The following PRDM7 variants were observed in gnomAD, a reference collection of about 807,000 sequenced individuals.
PRDM7 encodes the protein PR/SET domain 7, also known as histone-lysine N-methyltransferase PRDM7.
In PRDM7, 52 loss-of-function variants were observed where a neutral mutation model predicts 64.3. That is an observed-to-expected ratio of 0.81 (90% CI 0.65 to 1.02). The LOEUF is 1.02. Ranked by LOEUF, PRDM7 falls within the 50% of genes least tolerant of loss-of-function variation. The pLI, the probability that PRDM7 is intolerant of heterozygous loss-of-function variation, is 0.00. For missense variants in PRDM7, 574 were observed against 597.1 expected, an observed-to-expected ratio of 0.96 and a Z score of 0.40; for synonymous variants, 192 against 210.1, an observed-to-expected ratio of 0.91 and a Z score of 0.74.
At position 90,070,384 on chromosome 16, in the gene PRDM7, G is replaced by C. The variant is rs182627320; in HGVS notation, c.302-3474C>G. Among the ~76,000 whole-genome samples the C allele has an allele frequency of 6.6e-4, 99 of 151,084 alleles. 10 individuals carry two copies. The highest frequency in any genetic ancestry group is 2.4e-3 in the African/African-American group (96 of 40,550). On this transcript the variant is annotated intron_variant, in intron 4 of 10. Coordinates refer to ENST00000449207, the MANE Select transcript of PRDM7 (RefSeq NM_001098173.2). ...GAGGTGGGCAGATCACTTGAGGCCAGGAGTTTGAGACCAGCCTGGTCAGCA... is the reference window on the plus strand; with the variant it reads ...GAGGTGGGCAGATCACTTGAGGCCACGAGTTTGAGACCAGCCTGGTCAGCA...
intron 4 of PRDM7, among the ~76,000 whole-genome samples, chr16:90,071,158 G>A (rs573072385): frequency 6.6e-6 from 1 of 152,316 alleles, no homozygotes; most frequent in African/African-American, 2.4e-5. Context: ...TTGAGATGGA[G>A]TCTCGTTCTG....
At chr16:90,064,401 G>GGTTTT (rs557278988) in intron 5 of PRDM7, among the ~76,000 whole-genome samples, 2,197 of 142,634 alleles carry the variant, frequency 0.015, 43 homozygotes, top group African/African-American at 0.05. Flanking sequence ...TGGCATACAT[G>GGTTTT]GTTTTGTTTT....
At chr16:90,067,832 C>T (rs7197795) in intron 4 of PRDM7, among the ~76,000 whole-genome samples, 6,863 of 150,970 alleles carry the variant, frequency 0.045, 277 homozygotes, top group South Asian at 0.083. Context: ...CCTTGTGATC[C>T]TCCCACCTCG....
intron 4 of PRDM7, among the ~76,000 whole-genome samples, chr16:90,072,664 T>G (rs2037978058): frequency 6.6e-6 from 1 of 152,196 alleles, no homozygotes. Context: ...TGCACAACAG[T>G]GTGCATACAG....
intron 4 of PRDM7, among the ~76,000 whole-genome samples, chr16:90,073,871 C>A (rs1043206093): frequency 6.6e-6 from 1 of 151,924 alleles, no homozygotes; most frequent in Non-Finnish European, 1.5e-5. Flanking sequence ...CCACCTCCAC[C>A]TCCTGGGTTC....
At position 90,056,829 on chromosome 16, in the gene PRDM7, G is replaced by C. The variant is rs922513607; in HGVS notation, c.*1460C>G. 6.6e-6 allele frequency: 1 copy of C among 152,192 alleles called. No homozygotes were observed. The highest frequency in any genetic ancestry group is 2.4e-5 in the African/African-American group (1 of 41,442). 9.4% of individuals were successfully genotyped at this position (152,192 alleles called of 1,614,324 possible). A position where few individuals can be genotyped will look rare whatever the true frequency, so the allele number is the denominator to read the frequency against. On this transcript the variant is annotated 3_prime_UTR_variant, in exon 11 of 11. Transcript: ENST00000449207. ...TAGATAACATCAGTTGCTAGGTCAG[G>C]GGTCGAATTTTAACTACCAGGCTTA...
intron 4 of PRDM7, among the ~76,000 whole-genome samples, chr16:90,071,153 A>G (rs1443646128): frequency 6.6e-6 from 1 of 152,124 alleles, no homozygotes; most frequent in Non-Finnish European, 1.5e-5. Flanking sequence ...TTTTTTTGAG[A>G]TGGAGTCTCG....
In PRDM7 at chr16:90,058,018, C is replaced by T. The variant is rs574888767; in HGVS notation, c.*271G>A. On this transcript the variant is annotated 3_prime_UTR_variant, in exon 11 of 11. Coordinates refer to ENST00000449207, the MANE Select transcript of PRDM7 (RefSeq NM_001098173.2). ...GGCTAAAGCCCTCCCACACTCTCTG[C>T]AGACGTAGGGCTTCCCCCCTGTGTG... is the stretch of plus-strand genomic sequence containing the variant. 12 of 1,608,874 alleles carry T rather than the reference C, an allele frequency of 7.5e-6. No individual in the cohort carries two copies. In the African/African-American group the frequency reaches 1.6e-4, roughly 21 times the overall value.
chr16:90,059,879 T>C (rs112397178), intron 10 of PRDM7, among the ~76,000 whole-genome samples: 3,599 of 152,366 alleles, frequency 0.024, 129 homozygotes, highest in African/African-American at 0.081. Flanking sequence ...GAGCAGTTTT[T>C]TTGATTGTCT....
At position 90,061,878 on chromosome 16, in the gene PRDM7, G is replaced by T. The variant is rs759225266; in HGVS notation, c.882+43C>A. 15 of 1,613,076 alleles carry T rather than the reference G, an allele frequency of 9.3e-6. No homozygotes were observed. In the East Asian group the frequency reaches 3.3e-4, roughly 36 times the overall value. On this transcript the variant is annotated intron_variant, in intron 8 of 10. Coordinates refer to ENST00000449207, the MANE Select transcript of PRDM7 (RefSeq NM_001098173.2). The stretch of plus-strand genomic sequence containing the variant: ...GATGTCCCATCAAAGGCACAGAAGG[G>T]ATGTGGGAAGACAGAACAGGGGAAA...
chr16:90,073,491 C>A (rs2037991659), intron 4 of PRDM7, among the ~76,000 whole-genome samples: 2 of 151,834 alleles, frequency 1.3e-5, no homozygotes, highest in Non-Finnish European at 2.9e-5. Flanking sequence ...GCTCCGCCTC[C>A]CGGGTTCATG....
At chr16:90,062,978 A>G (rs942898872) in intron 6 of PRDM7, among the ~76,000 whole-genome samples, 5 of 152,318 alleles carry the variant, frequency 3.3e-5, no homozygotes, top group African/African-American at 1.2e-4. Context: ...ATTCATTTAT[A>G]TTTAATTTAA....
At chr16:90,074,837 C>T in intron 4 of PRDM7, 79 bp downstream of exon 4, 1 of 1,422,028 alleles carries the variant, frequency 7.0e-7, no homozygotes, top group South Asian at 1.2e-5. Flanking sequence ...CAAGATCACG[C>T]CATTGCACTC....
Position 90,063,644 on chromosome 16 carries a change from CT to C in PRDM7, c.475del (p.Ser159ValfsTer9), listed in dbSNP as rs776952868. The C allele has an allele frequency of 8.1e-6, 13 of 1,613,882 alleles. No individual in the cohort carries two copies. In the South Asian group the frequency reaches 1.4e-4, roughly 18 times the overall value. On this transcript the variant is annotated frameshift_variant, in exon 6 of 11. Coordinates refer to ENST00000449207, the MANE Select transcript of PRDM7 (RefSeq NM_001098173.2). LOFTEE classifies it high-confidence loss of function. The stretch of plus-strand genomic sequence containing the variant: ...TAGTCTAGAGTGCTGTCCAGAGGTA[CT>C]TGCTTCTCCAGGAGGGGACACTGGT... ...QKPVSPPGEA[S>X]TSGQHSRLKL... is the part of the protein sequence containing the mutation.
chr16:90,073,871 C>T lies in PRDM7; in HGVS notation c.301+1045G>A, dbSNP rs1043206093. On this transcript the variant is annotated intron_variant, in intron 4 of 10. Coordinates refer to ENST00000449207, the MANE Select transcript of PRDM7 (RefSeq NM_001098173.2). ...GATTTCGGCTCACTGCCACCTCCAC[C>T]TCCTGGGTTCAAGCTATTTCCCAGC... 7.2e-5 allele frequency among the ~76,000 whole-genome samples: 11 copies of T among 151,924 alleles called. 1 individual carries two copies. Among genetic ancestry groups the T allele is most frequent in the Admixed American group, 7.2e-4 (11 of 15,256 alleles).
rs1410931894 is a variant in PRDM7 at position 90,057,643 on chromosome 16, CCT to C, written c.*644_*645del. On this transcript the variant is annotated 3_prime_UTR_variant, in exon 11 of 11. Transcript: ENST00000449207. ...CCCCCGAACACTTACAGAACTATCC[CCT>C]GTTCTTCCTCAACTCTAGTCATGAA... The C allele has an allele frequency of 3.8e-6, 4 of 1,045,132 alleles. No individual in the cohort carries two copies. The highest frequency in any genetic ancestry group is 3.6e-5 in the South Asian group (2 of 55,706). 64.7% of individuals were successfully genotyped at this position (1,045,132 alleles called of 1,614,324 possible). A position where few individuals can be genotyped will look rare whatever the true frequency, so the allele number is the denominator to read the frequency against.
intron 5 of PRDM7, among the ~76,000 whole-genome samples, chr16:90,064,225 T>C (rs1363683332): frequency 6.6e-6 from 1 of 152,202 alleles, no homozygotes; most frequent in Admixed American, 6.5e-5. Flanking sequence ...GGCAAAAATA[T>C]ATCTAGACAA....
At chr16:90,062,585 C>T in intron 6 of PRDM7, 83 bp from the exon 7 acceptor site, 1 of 1,205,080 alleles carries the variant, frequency 8.3e-7, no homozygotes, top group Non-Finnish European at 1.2e-6. Context: ...AAATCTCCTA[C>T]CATCAAATTA....
chr16:90,066,955 CA>C, intron 4 of PRDM7, 45 bp from the exon 5 acceptor site: 18 of 1,502,046 alleles, frequency 1.2e-5, no homozygotes, highest in Non-Finnish European at 1.7e-5. Context: ...TAAATGTTTC[CA>C]AACTCTAGAG....
Sources: gnomAD v4.1 joint callset for allele counts (sites outside exome capture counted in the v4.1 genomes callset) on GRCh38, gnomAD v4.1.1 for gene constraint, MANE v1.5 for transcripts, NCBI Gene and HGNC (gene_info 2026-07-23, HGNC 2026-07-21) for gene names.